Variants in SLC1A2 observed in about 807,000 individuals in gnomAD.
SLC1A2 encodes solute carrier family 1 member 2, also known as excitatory amino acid transporter 2.
SLC1A2 carries 15 observed loss-of-function variants against 48.8 expected under a neutral mutation model. The ratio of observed to expected loss-of-function variants is 0.31; its 90% CI spans 0.21 to 0.47. The LOEUF (loss-of-function observed/expected upper bound fraction) is 0.47, where lower values mean the gene tolerates loss of function less well. Among genes scored for constraint, SLC1A2 ranks in the 20% least tolerant of loss-of-function variants. The pLI, the probability that SLC1A2 is intolerant of heterozygous loss-of-function variation, is 0.99. For synonymous variants in SLC1A2, 279 were observed against 272.6 expected (o/e 1.02, Z -0.23); for missense variants, 502 against 730.5 (o/e 0.69, Z 3.61).
intron 1 of SLC1A2, among the ~76,000 whole-genome samples, chr11:35,363,841 T>C (rs1179169217): frequency 1.3e-5 from 2 of 152,134 alleles, no homozygotes; most frequent in Non-Finnish European, 2.9e-5. Flanking sequence ...TCATACCTTT[T>C]CCTCACTGAT....
At chr11:35,340,157 C>A (rs2135029916) in intron 1 of SLC1A2, among the ~76,000 whole-genome samples, 1 of 152,246 alleles carries the variant, frequency 6.6e-6, no homozygotes, top group East Asian at 1.9e-4. Flanking sequence ...GCAACGGGAC[C>A]CAGCTCATGT....
In SLC1A2 at chr11:35,312,467, C is replaced by G. The variant is rs1851738108; in HGVS notation, c.311-19G>C. 2.5e-6 allele frequency: 4 copies of G among 1,613,174 alleles called. No homozygotes were observed. Among genetic ancestry groups the G allele is most frequent in the Non-Finnish European group, 1.7e-6 (2 of 1,179,198 alleles). On this transcript the variant is annotated intron_variant, in intron 3 of 10. Transcript: ENST00000278379. ...GACAACCCTGGATTGAAAAGAAATG[C>G]AGAAGGATTAATTCTATTACGTTTG...
At chr11:35,323,281 A>C (rs1852137556) in intron 1 of SLC1A2, 1 of 158,666 alleles carries the variant, frequency 6.3e-6, no homozygotes, top group African/African-American at 2.4e-5. Flanking sequence ...GGAAGTCAGG[A>C]AGTCTGTGTT....
chr11:35,291,015 G>A (rs761131333), intron 7 of SLC1A2, among the ~76,000 whole-genome samples: 9 of 152,140 alleles, frequency 5.9e-5, no homozygotes, highest in Admixed American at 4.6e-4. Context: ...CTCAGTAGCC[G>A]TGGAGCAACA....
intron 6 of SLC1A2, among the ~76,000 whole-genome samples, chr11:35,295,472 C>T (rs1851142466): frequency 6.6e-6 from 1 of 152,190 alleles, no homozygotes; most frequent in Non-Finnish European, 1.5e-5. Context: ...GGCAAATGCC[C>T]AGCACCCAAG....
intron 1 of SLC1A2, among the ~76,000 whole-genome samples, chr11:35,411,756 T>C (rs1172578190): frequency 6.6e-6 from 1 of 152,232 alleles, no homozygotes; most frequent in African/African-American, 2.4e-5. Context: ...TACTACTACT[T>C]CTTCCATTTG....
intron 9 of SLC1A2, among the ~76,000 whole-genome samples, chr11:35,267,328 G>T (rs1223592214): frequency 6.6e-6 from 1 of 152,090 alleles, no homozygotes; most frequent in Admixed American, 6.5e-5. Flanking sequence ...AGCCTTAGTT[G>T]CCTCGTTTAT....
At chr11:35,272,864 AG>A (rs1305746215) in intron 9 of SLC1A2, among the ~76,000 whole-genome samples, 1 of 152,150 alleles carries the variant, frequency 6.6e-6, no homozygotes, top group Non-Finnish European at 1.5e-5. Context: ...AAAATGAGAG[AG>A]GGGCTTGACC....
intron 6 of SLC1A2, chr11:35,299,341 C>CTT (rs1851274980): frequency 8.5e-6 from 1 of 118,174 alleles, no homozygotes; most frequent in African/African-American, 2.8e-5. Flanking sequence ...TTGTCTCTCT[C>CTT]TCTCTCTCTC....
At chr11:35,323,774 G>C (rs1852152117) in intron 1 of SLC1A2, among the ~76,000 whole-genome samples, 1 of 152,194 alleles carries the variant, frequency 6.6e-6, no homozygotes, top group South Asian at 2.1e-4. Flanking sequence ...TGATGTTTTT[G>C]TGTTCCTTTT....
chr11:35,331,142 C>T (rs1565250131), intron 1 of SLC1A2, among the ~76,000 whole-genome samples: 1 of 152,188 alleles, frequency 6.6e-6, no homozygotes, highest in Non-Finnish European at 1.5e-5. Context: ...GCTTCTCAGC[C>T]TCCCTTCCTG....
intron 1 of SLC1A2, among the ~76,000 whole-genome samples, chr11:35,414,702 A>G (rs1003002722): frequency 9.2e-5 from 14 of 152,244 alleles, no homozygotes; most frequent in African/African-American, 3.4e-4. Context: ...TGTTTGTTAG[A>G]TGTTTCTTCA....
Position 35,419,248 on chromosome 11 carries a change from T to G in SLC1A2, c.-282A>C. On this transcript the variant is annotated 5_prime_UTR_variant, in exon 1 of 11. Coordinates refer to ENST00000278379, the MANE Select transcript of SLC1A2 (RefSeq NM_004171.4). The surrounding 1 kb of genome is among the most constrained non-coding windows in gnomAD (Gnocchi z 5.4). ...CGGGGAGCTCCGGGGGCTCCGAGGGTGGCTTCCCCGAGAGAGCGATGCGCC... is the reference window on the plus strand; with the variant it reads ...CGGGGAGCTCCGGGGGCTCCGAGGGGGGCTTCCCCGAGAGAGCGATGCGCC... 5.3e-6 allele frequency: 2 copies of G among 378,022 alleles called. No individual in the cohort carries two copies. The highest frequency in any genetic ancestry group is 7.2e-4 in the Middle Eastern group (1 of 1,390). 23.4% of individuals were successfully genotyped at this position (378,022 alleles called of 1,614,324 possible).
At chr11:35,340,361 G>A (rs141623157) in intron 1 of SLC1A2, among the ~76,000 whole-genome samples, 37 of 152,340 alleles carry the variant, frequency 2.4e-4, no homozygotes, top group Non-Finnish European at 4.1e-4. Flanking sequence ...CCACAGTCTG[G>A]CCTCTAAGGG....
chr11:35,280,403 T>C (rs1416289877), intron 9 of SLC1A2: 1 of 152,590 alleles, frequency 6.6e-6, no homozygotes, highest in African/African-American at 2.4e-5. Flanking sequence ...CCTCAGATGA[T>C]CCACCTGCCT....
intron 1 of SLC1A2, among the ~76,000 whole-genome samples, chr11:35,368,775 C>T (rs180933006): frequency 1.3e-5 from 2 of 152,314 alleles, no homozygotes; most frequent in Admixed American, 1.3e-4. Flanking sequence ...GATTCAGGCC[C>T]AGCCATGATG....
chr11:35,341,076 C>T (rs1371919392), intron 1 of SLC1A2, among the ~76,000 whole-genome samples: 1 of 152,140 alleles, frequency 6.6e-6, no homozygotes, highest in African/African-American at 2.4e-5. Flanking sequence ...AGGGACTTGT[C>T]AAAATATTTT....
intron 8 of SLC1A2, among the ~76,000 whole-genome samples, chr11:35,284,906 A>G (rs1159536015): frequency 1.3e-5 from 2 of 152,200 alleles, no homozygotes; most frequent in Non-Finnish European, 2.9e-5. Context: ...ACCCAAATGA[A>G]CACTGCCTCT....
chr11:35,348,685 A>G (rs1250894829), intron 1 of SLC1A2, among the ~76,000 whole-genome samples: 2 of 151,928 alleles, frequency 1.3e-5, no homozygotes, highest in Non-Finnish European at 2.9e-5. Context: ...TGATGTCAGG[A>G]GTTACAGACC....
Sources: allele counts gnomAD v4.1 joint callset (sites outside exome capture counted in the v4.1 genomes callset), GRCh38; gene constraint gnomAD v4.1.1; non-coding constraint Gnocchi (gnomAD v3.1); transcripts MANE v1.5; gene names NCBI Gene and HGNC (gene_info 2026-07-23, HGNC 2026-07-21).